Variants in OR1B1 observed in about 807,000 individuals in gnomAD.
OR1B1 encodes olfactory receptor 1B1.
For synonymous variants in OR1B1, 168 were observed against 156.2 expected (o/e 1.08, Z -0.57); for missense variants, 414 against 402.1 (o/e 1.03, Z -0.25).
chr9:122,629,111 C>T lies in OR1B1; in HGVS notation c.425G>A (p.Arg142Gln), dbSNP rs929588623. 6.2e-6 allele frequency: 10 copies of T among 1,614,016 alleles called. No homozygotes were observed. The East Asian group carries it at 2.0e-4, about 32-fold the overall frequency. The change falls in exon 1 of 1, where the codon CGG becomes CAG. Residue 142 changes from arginine to glutamine, a missense_variant. By Grantham distance (43) the Arg-to-Gln change is conservative. Coordinates refer to ENST00000623530, the Ensembl canonical transcript of OR1B1. ...GCTCAAGGCTAGTAAGCAGGCACAC[C>T]GTTGGTGATTCATTACCAAAGCATA... is the stretch of plus-strand genomic sequence containing the variant.
the OR1B1 span, among the ~76,000 whole-genome samples, chr9:122,654,345 G>A: frequency 6.6e-6 from 1 of 152,180 alleles, no homozygotes; most frequent in Non-Finnish European, 1.5e-5. Flanking sequence ...AGCGAGACTT[G>A]CTCACAGCAT....
the OR1B1 span, among the ~76,000 whole-genome samples, chr9:122,651,315 G>C: frequency 1.2e-4 from 18 of 152,272 alleles, no homozygotes; most frequent in South Asian, 8.3e-4. Context: ...ATTTATTTGT[G>C]TTGGGAACAT....
the OR1B1 span, among the ~76,000 whole-genome samples, chr9:122,651,124 T>A: frequency 6.6e-6 from 1 of 152,238 alleles, no homozygotes; most frequent in South Asian, 2.1e-4. Context: ...GACTAAATTT[T>A]TAAAATTAAA....
At chr9:122,648,692 A>G in the OR1B1 span, among the ~76,000 whole-genome samples, 940 of 152,324 alleles carry the variant, frequency 6.2e-3, 9 homozygotes, top group African/African-American at 0.022. Flanking sequence ...ACAACTTACA[A>G]GGGATTTGAA....
At chr9:122,637,112 T>A in the OR1B1 span, 3 of 152,336 alleles carry the variant, frequency 2.0e-5, no homozygotes, top group African/African-American at 7.2e-5. Context: ...GCAGGGTTTA[T>A]ATTTTCATCC....
At chr9:122,646,415 A>T in the OR1B1 span, among the ~76,000 whole-genome samples, 2 of 152,114 alleles carry the variant, frequency 1.3e-5, no homozygotes, top group Non-Finnish European at 2.9e-5. Flanking sequence ...GAATGGATGA[A>T]AAAAACACAA....
chr9:122,655,757 G>A, the OR1B1 span, among the ~76,000 whole-genome samples: 804 of 151,798 alleles, frequency 5.3e-3, 9 homozygotes, highest in African/African-American at 0.016. Flanking sequence ...ATACCTAAGT[G>A]ACAGGTGCAG....
chr9:122,650,801 A>T, the OR1B1 span, among the ~76,000 whole-genome samples: 1 of 152,126 alleles, frequency 6.6e-6, no homozygotes, highest in Non-Finnish European at 1.5e-5. Context: ...AGGTGGGCGG[A>T]TCACGAGGTC....
the OR1B1 span, among the ~76,000 whole-genome samples, chr9:122,641,739 C>T: frequency 6.6e-6 from 1 of 152,124 alleles, no homozygotes; most frequent in African/African-American, 2.4e-5. Context: ...ACTAAGAGTA[C>T]ATTTTGTAGT....
chr9:122,629,164 G>A (rs1830176270), exon 1 of OR1B1: 2 of 1,613,940 alleles, frequency 1.2e-6, no homozygotes, highest in South Asian at 1.1e-5. Flanking sequence ...TGGCCACATA[G>A]CGATCCAGAG....
the OR1B1 span, among the ~76,000 whole-genome samples, chr9:122,636,661 A>G: frequency 6.6e-6 from 1 of 152,216 alleles, no homozygotes; most frequent in African/African-American, 2.4e-5. Flanking sequence ...ACACACATGT[A>G]CATTCATCAC....
At chr9:122,646,573 T>C in the OR1B1 span, among the ~76,000 whole-genome samples, 29 of 147,152 alleles carry the variant, frequency 2.0e-4, 1 homozygote, top group African/African-American at 6.7e-4. Context: ...TCAGACAAAA[T>C]AGCCTTCAAG....
the OR1B1 span, among the ~76,000 whole-genome samples, chr9:122,656,319 T>A: frequency 1.3e-5 from 2 of 152,220 alleles, no homozygotes; most frequent in African/African-American, 4.8e-5. Flanking sequence ...GGTTTTAAGA[T>A]GTCCCCCAAA....
At chr9:122,629,135 T>G in exon 1 of OR1B1, 1 of 1,614,012 alleles carries the variant, frequency 6.2e-7, no homozygotes, top group Middle Eastern at 1.6e-4. Context: ...TACCAAAGCA[T>G]AGTGCAGGGG....
At chr9:122,642,626 T>C in the OR1B1 span, among the ~76,000 whole-genome samples, 16 of 152,284 alleles carry the variant, frequency 1.1e-4, no homozygotes, top group East Asian at 2.9e-3. Context: ...TCTCTGCCAA[T>C]GTCTCCATGC....
chr9:122,629,215 A>T lies in OR1B1; in HGVS notation c.321T>A (p.Tyr107Ter), dbSNP rs368488786. The T allele has an allele frequency of 2.5e-6, 4 of 1,614,028 alleles. No individual in the cohort carries two copies. The highest frequency in any genetic ancestry group is 2.2e-5 in the East Asian group (1 of 44,870). ...CAAGTGTATCTGTAACCCCAAATGC[A>T]TAGAAGAAAAAGAACTGAGCCAAGC... Residue 107 changes from tyrosine (Y) to a stop codon, truncating the protein, a stop_gained, in exon 1 of 1, where the codon TAT becomes TAA. Coordinates refer to ENST00000623530, the Ensembl canonical transcript of OR1B1. LOFTEE classifies it low-confidence loss of function (END_TRUNC).
chr9:122,632,883 T>C (rs1222243557), upstream of OR1B1, among the ~76,000 whole-genome samples: 3 of 152,134 alleles, frequency 2.0e-5, no homozygotes, highest in African/African-American at 7.2e-5. Context: ...GACTGGGCAA[T>C]TTAGAAAATA....
chr9:122,628,460 A>T (rs1432891735), downstream of OR1B1: 6 of 684,910 alleles, frequency 8.8e-6, no homozygotes, highest in Non-Finnish European at 1.6e-5. Flanking sequence ...ACAAGAGCCA[A>T]ATCTGGAGTT....
the OR1B1 span, among the ~76,000 whole-genome samples, chr9:122,643,646 G>A: frequency 6.6e-6 from 1 of 152,362 alleles, no homozygotes; most frequent in East Asian, 1.9e-4. Flanking sequence ...ATGGCTAAGG[G>A]AAGGCTGGCG....
Sources: gnomAD v4.1 joint callset for allele counts (sites outside exome capture counted in the v4.1 genomes callset) on GRCh38, gnomAD v4.1.1 for gene constraint, MANE v1.5 for transcripts, NCBI Gene and HGNC (gene_info 2026-07-23, HGNC 2026-07-21) for gene names.